The following ZNF114 variants were observed in gnomAD, a reference collection of about 807,000 sequenced individuals.
ZNF114 encodes zinc finger protein 114 (Y18).
Under a neutral mutation model 6.8 loss-of-function variants are expected in ZNF114, and 8 were observed. The ratio of observed to expected loss-of-function variants is 1.18; its 90% CI spans 0.69 to 2.13. The LOEUF is 2.13. Among genes scored for constraint, ZNF114 ranks in the 30% most tolerant of loss-of-function variants. ZNF114 has a pLI of 0.00. For missense variants in ZNF114, 472 were observed against 519.5 expected, an observed-to-expected ratio of 0.91 and a Z score of 0.89; for synonymous variants, 169 against 185.5, an observed-to-expected ratio of 0.91 and a Z score of 0.72.
chr19:48,277,620 G>A (rs745503210), intron 3 of ZNF114, among the ~76,000 whole-genome samples: 2 of 152,246 alleles, frequency 1.3e-5, no homozygotes, highest in East Asian at 1.9e-4. Flanking sequence ...GTTTCCAGCC[G>A]CTGTGCATCC....
Position 48,286,804 on chromosome 19 carries a change from G to A in ZNF114, c.1180G>A (p.Gly394Arg). ...GAAACCCTATAAATGTAAGACATGT[G>A]GAAAAGACTTTGCAAAGTCGTCAGG... is the stretch of plus-strand genomic sequence containing the variant. ...GEKPYKCKTC[G>R]KDFAKSSGLK... Residue 394 changes from glycine to arginine, a missense_variant, in exon 6 of 6, where the codon GGA becomes AGA. By Grantham distance (125) the Gly-to-Arg change is moderately radical (BLOSUM62 -2). Coordinates refer to ENST00000595607, the MANE Select transcript of ZNF114 (RefSeq NM_153608.4). 1 of 1,603,586 alleles carries A rather than the reference G, an allele frequency of 6.2e-7. No homozygotes were observed. The highest frequency in any genetic ancestry group is 1.1e-5 in the South Asian group (1 of 88,200).
chr19:48,274,504 A>ATT (rs1268273248), intron 3 of ZNF114, among the ~76,000 whole-genome samples: 6 of 11,844 alleles, frequency 5.1e-4, no homozygotes, highest in South Asian at 1.5e-3. Flanking sequence ...ATATATATAT[A>ATT]TATTTTTTTT....
chr19:48,286,258 G>T lies in ZNF114; in HGVS notation c.634G>T (p.Asp212Tyr). 6.2e-7 allele frequency: 1 copy of T among 1,614,180 alleles called. No individual in the cohort carries two copies. The highest frequency in any genetic ancestry group is 8.5e-7 in the Non-Finnish European group (1 of 1,180,042). The part of the protein sequence containing the change: ...GSQNTVHHIR[D>Y]EIDTGANRHQ... ...TCAGAACACTGTGCATCATATACGT[G>T]ATGAAATTGATACGGGGGCCAACAG... Residue 212 changes from aspartate (D) to tyrosine (Y), a missense_variant, in exon 6 of 6, where the codon GAT becomes TAT. By Grantham distance (160) the Asp-to-Tyr change is radical. Transcript: ENST00000595607.
chr19:48,279,083 A>G (rs1967923242), intron 3 of ZNF114, among the ~76,000 whole-genome samples: 1 of 152,104 alleles, frequency 6.6e-6, no homozygotes, highest in African/African-American at 2.4e-5. Flanking sequence ...CGTTTGTACA[A>G]CATTGCAAAT....
intron 3 of ZNF114, among the ~76,000 whole-genome samples, chr19:48,273,844 T>C (rs988523928): frequency 6.8e-6 from 1 of 146,652 alleles, no homozygotes; most frequent in Non-Finnish European, 1.5e-5. Flanking sequence ...TGCAAGCTCC[T>C]CCTCCCGGGT....
chr19:48,282,045 G>T, intron 4 of ZNF114: 1 of 224,290 alleles, frequency 4.5e-6, no homozygotes, highest in Non-Finnish European at 9.0e-6. Flanking sequence ...AAAGGCACCC[G>T]CCACCACCAT....
intron 3 of ZNF114, among the ~76,000 whole-genome samples, chr19:48,274,940 C>T (rs1209137836): frequency 6.6e-6 from 1 of 151,980 alleles, no homozygotes; most frequent in South Asian, 2.1e-4. Flanking sequence ...AATGGCAGAA[C>T]GTCCACGCCT....
chr19:48,282,355 GC>G lies in ZNF114; in HGVS notation c.10-15del, dbSNP rs751833317. Reference sequence around the variant, plus strand: ...ACAGGACACCCCTCCGAGCCAAACTGCATGTGTTATTTTAGGACTCGGTGAC... The same window carrying G: ...ACAGGACACCCCTCCGAGCCAAACTGATGTGTTATTTTAGGACTCGGTGAC... On this transcript the variant is annotated splice_polypyrimidine_tract_variant and intron_variant, in intron 4 of 5. Coordinates refer to ENST00000595607, the MANE Select transcript of ZNF114 (RefSeq NM_153608.4). 1.2e-6 allele frequency: 2 copies of G among 1,611,522 alleles called. No individual in the cohort carries two copies. The highest frequency in any genetic ancestry group is 1.7e-6 in the Non-Finnish European group (2 of 1,178,820).
intron 3 of ZNF114, among the ~76,000 whole-genome samples, chr19:48,277,570 A>C (rs1166612714): frequency 2.6e-5 from 4 of 152,092 alleles, no homozygotes; most frequent in Non-Finnish European, 5.9e-5. Flanking sequence ...CATCAATTGC[A>C]ATGATTCACT....
At chr19:48,273,354 C>G (rs1967726951) in intron 3 of ZNF114, among the ~76,000 whole-genome samples, 1 of 151,856 alleles carries the variant, frequency 6.6e-6, no homozygotes, top group African/African-American at 2.4e-5. Context: ...GACAATCAGG[C>G]AAAAGCCAAC....
rs1163424194 is a variant in ZNF114, at chr19:48,273,214, GTCAGGAT to G, written c.-70+1387_-70+1393del. 2.6e-5 allele frequency among the ~76,000 whole-genome samples: 4 copies of G among 152,274 alleles called. No homozygotes were observed. The East Asian group carries it at 7.7e-4, about 29-fold the overall frequency. The stretch of plus-strand genomic sequence containing the variant: ...GCTGCAAGGAGAGTGGTGTGAAGGT[GTCAGGAT>G]CAAACCCCACGGTCGGAACAAGATG... On this transcript the variant is annotated intron_variant, in intron 3 of 5. Coordinates refer to ENST00000595607, the MANE Select transcript of ZNF114 (RefSeq NM_153608.4).
chr19:48,278,274 A>G (rs986799870), intron 3 of ZNF114, among the ~76,000 whole-genome samples: 2 of 152,098 alleles, frequency 1.3e-5, no homozygotes, highest in African/African-American at 4.8e-5. Context: ...AATGGCTTTT[A>G]GTATATTCAC....
Position 48,279,716 on chromosome 19 carries a change from C to T in ZNF114, c.-69-15C>T. ...CAGGGTGCCTGGATTCTCATAGCTC[C>T]ATTCTTCTCCCAAGCTCTGCCTCAC... On this transcript the variant is annotated splice_polypyrimidine_tract_variant and intron_variant, in intron 3 of 5. Transcript: ENST00000595607. 1.3e-6 allele frequency: 2 copies of T among 1,592,272 alleles called. No individual in the cohort carries two copies. Among genetic ancestry groups the T allele is most frequent in the East Asian group, 4.5e-5 (2 of 44,712 alleles).
chr19:48,280,844 T>C (rs1002247866), intron 4 of ZNF114, among the ~76,000 whole-genome samples: 1 of 152,022 alleles, frequency 6.6e-6, no homozygotes, highest in African/African-American at 2.4e-5. Flanking sequence ...CGAGCCACCA[T>C]GCCCGGCCAG....
At chr19:48,270,761 GAGAAA>G (rs1411428548) in intron 1 of ZNF114, among the ~76,000 whole-genome samples, 1 of 149,774 alleles carries the variant, frequency 6.7e-6, no homozygotes, top group Non-Finnish European at 1.5e-5. Flanking sequence ...AGAGAAAAAA[GAGAAA>G]GAAAGAAAGA....
intron 5 of ZNF114, among the ~76,000 whole-genome samples, chr19:48,283,939 G>C (rs1168831530): frequency 6.6e-6 from 1 of 151,994 alleles, no homozygotes; most frequent in Non-Finnish European, 1.5e-5. Context: ...TCACTGTGTT[G>C]GCCAGGCTTG....
rs1321142053 is a variant in ZNF114 at position 48,286,091 on chromosome 19, G to A, written c.467G>A (p.Ser156Asn). 1.2e-6 allele frequency: 2 copies of A among 1,614,088 alleles called. No homozygotes were observed. The highest frequency in any genetic ancestry group is 1.7e-6 in the Non-Finnish European group (2 of 1,180,046). The change falls in exon 6 of 6, where the codon AGT becomes AAT. Residue 156 changes from serine to asparagine, a missense_variant. Physicochemically the swap from Ser to Asn is conservative, Grantham distance 46. Coordinates refer to ENST00000595607, the MANE Select transcript of ZNF114 (RefSeq NM_153608.4). ...IRQCILTRDSSIFKYNPVLND... is the reference protein window; with the variant it reads ...IRQCILTRDSNIFKYNPVLND... ...CAATGTATCCTAACACGTGACTCAA[G>A]TATTTTCAAGTATAATCCTGTCTTA...
intron 4 of ZNF114, 94 bp downstream of exon 4, chr19:48,279,902 G>A: frequency 6.3e-7 from 1 of 1,593,352 alleles, no homozygotes; most frequent in Middle Eastern, 1.7e-4. Flanking sequence ...TAAAGCACAT[G>A]GAGCCAGGCA....
chr19:48,272,022 T>C (rs1014483596), intron 3 of ZNF114, among the ~76,000 whole-genome samples, 194 bp downstream of exon 3: 3 of 152,208 alleles, frequency 2.0e-5, no homozygotes, highest in Non-Finnish European at 4.4e-5. Flanking sequence ...CCCCATACCG[T>C]GCTGCAGCGT....
Sources: allele counts gnomAD v4.1 joint callset (sites outside exome capture counted in the v4.1 genomes callset), GRCh38; gene constraint gnomAD v4.1.1; transcripts MANE v1.5; gene names NCBI Gene and HGNC (gene_info 2026-07-23, HGNC 2026-07-21).